Variants in COL25A1 observed in about 807,000 individuals in gnomAD.
COL25A1 encodes collagen type XXV alpha 1 chain, also known as collagen alpha-1(XXV) chain.
COL25A1 carries 103 observed loss-of-function variants against 128.4 expected under a neutral mutation model. The observed-to-expected ratio is 0.80, with a 90% CI of 0.68 to 0.94. COL25A1 has a LOEUF of 0.94. COL25A1 is among the 40% of genes least tolerant of loss of function. The pLI is 0.00. For missense variants in COL25A1, 745 were observed against 840.0 expected, an observed-to-expected ratio of 0.89 and a Z score of 1.40; for synonymous variants, 279 against 277.2, an observed-to-expected ratio of 1.01 and a Z score of -0.06.
At chr4:109,298,270 T>C (rs1261201532) in intron 3 of COL25A1, among the ~76,000 whole-genome samples, 1 of 152,186 alleles carries the variant, frequency 6.6e-6, no homozygotes, top group Non-Finnish European at 1.5e-5. Flanking sequence ...AAAATATATC[T>C]ATAAATTCTA....
chr4:108,920,984 A>C (rs962613824), intron 11 of COL25A1: 1 of 164,494 alleles, frequency 6.1e-6, no homozygotes, highest in Non-Finnish European at 1.3e-5. Context: ...GCAAATGGAC[A>C]CATTAGATGA....
At chr4:108,954,658 A>G (rs965748144) in intron 8 of COL25A1, among the ~76,000 whole-genome samples, 2 of 151,928 alleles carry the variant, frequency 1.3e-5, no homozygotes, top group African/African-American at 2.4e-5. Context: ...AATGTACTTA[A>G]TATTCCATTT....
At chr4:108,868,026 A>G (rs1738151925) in intron 20 of COL25A1, among the ~76,000 whole-genome samples, 1 of 152,150 alleles carries the variant, frequency 6.6e-6, no homozygotes, top group South Asian at 2.1e-4. Flanking sequence ...TTTTGGGATG[A>G]GGCACTTAGG....
intron 5 of COL25A1, among the ~76,000 whole-genome samples, chr4:109,025,885 T>G (rs570397278): frequency 6.6e-6 from 1 of 152,240 alleles, no homozygotes; most frequent in African/African-American, 2.4e-5. Context: ...TAACGTTTCC[T>G]TAGTCAAACA....
chr4:109,254,493 A>ATGTT lies in COL25A1; in HGVS notation c.367+46089_367+46090insAACA, dbSNP rs1560936843. ...TTTATATATATATATATATATATATATATATATATATATGTATGTGTGTAT... is the reference window on the plus strand; with the variant it reads ...TTTATATATATATATATATATATATATGTTTATATATATATATGTATGTGTGTAT... On this transcript the variant is annotated intron_variant, in intron 3 of 37. Coordinates refer to ENST00000399132, the MANE Select transcript of COL25A1 (RefSeq NM_198721.4). 2.6e-4 allele frequency among the ~76,000 whole-genome samples: 28 copies of ATGTT among 109,762 alleles called. 1 individual carries two copies. The highest frequency in any genetic ancestry group is 4.3e-4 in the Non-Finnish European group (26 of 60,158). The allele number at this position is 109,762 out of a possible 152,430, so 72.0% of individuals were successfully genotyped here.
chr4:108,984,155 TAC>T (rs945866874), intron 6 of COL25A1, among the ~76,000 whole-genome samples: 1 of 152,210 alleles, frequency 6.6e-6, no homozygotes, highest in Non-Finnish European at 1.5e-5. Flanking sequence ...AGTAGCTAGA[TAC>T]AGAGTGTTGA....
At position 108,860,823 on chromosome 4, in the gene COL25A1, T is replaced by A. The variant is rs532735211; in HGVS notation, c.1242+104A>T. On this transcript the variant is annotated intron_variant, in intron 23 of 37. Coordinates refer to ENST00000399132, the MANE Select transcript of COL25A1 (RefSeq NM_198721.4). The stretch of plus-strand genomic sequence containing the variant: ...CAGTAGTCTACCTCCAATACTATTA[T>A]TAAGTATTATTAATACAGATGTCAT... 748 of 934,874 alleles carry A rather than the reference T, an allele frequency of 8.0e-4. 2 individuals carry two copies. The highest frequency in any genetic ancestry group is 1.7e-3 in the Admixed American group (90 of 53,590). 57.9% of individuals were successfully genotyped at this position (934,874 alleles called of 1,614,324 possible).
intron 5 of COL25A1, among the ~76,000 whole-genome samples, chr4:109,040,954 A>G (rs1759825297): frequency 6.6e-6 from 1 of 152,136 alleles, no homozygotes; most frequent in Admixed American, 6.6e-5. Context: ...TTAAAATGTT[A>G]TCCTGTTTCC....
intron 3 of COL25A1, among the ~76,000 whole-genome samples, chr4:109,225,732 TTGTG>T (rs1560897251): frequency 6.6e-6 from 1 of 152,120 alleles, no homozygotes; most frequent in African/African-American, 2.4e-5. Context: ...AAAGAAACTG[TTGTG>T]TGTGTATGTG....
chr4:109,210,440 AAC>A (rs1006728966), intron 3 of COL25A1, among the ~76,000 whole-genome samples: 70 of 152,314 alleles, frequency 4.6e-4, no homozygotes, highest in African/African-American at 1.6e-3. Context: ...CACCTTACAA[AAC>A]ACTGCAGAAT....
At chr4:109,280,629 A>G (rs1020348402) in intron 3 of COL25A1, among the ~76,000 whole-genome samples, 8 of 152,012 alleles carry the variant, frequency 5.3e-5, no homozygotes, top group Admixed American at 4.6e-4. Context: ...ATATCTTTAG[A>G]TAATTCATGC....
chr4:109,300,682 A>C (rs981073599), intron 2 of COL25A1, 30 bp from the exon 3 acceptor site: 1 of 1,492,018 alleles, frequency 6.7e-7, no homozygotes, highest in African/African-American at 1.4e-5. Flanking sequence ...ATTAATAATC[A>C]TCAGTAGCAC....
intron 20 of COL25A1, among the ~76,000 whole-genome samples, chr4:108,864,158 A>T (rs181992269): frequency 1.3e-3 from 204 of 152,344 alleles, no homozygotes; most frequent in African/African-American, 4.5e-3. Flanking sequence ...TCCATTTTAC[A>T]GATAAGGAAA....
chr4:108,919,001 AT>A (rs1183204206), intron 12 of COL25A1, among the ~76,000 whole-genome samples: 1 of 152,234 alleles, frequency 6.6e-6, no homozygotes, highest in Non-Finnish European at 1.5e-5. Flanking sequence ...CAGTGATGTC[AT>A]TTCCCTCCAT....
intron 3 of COL25A1, among the ~76,000 whole-genome samples, chr4:109,254,213 T>C (rs975455068): frequency 6.6e-6 from 1 of 151,792 alleles, no homozygotes; most frequent in Admixed American, 6.6e-5. Flanking sequence ...TGTATTGTAT[T>C]TCTTAATCAC....
intron 20 of COL25A1, among the ~76,000 whole-genome samples, chr4:108,867,482 A>C (rs1738076988): frequency 6.6e-6 from 1 of 152,342 alleles, no homozygotes; most frequent in Admixed American, 6.5e-5. Context: ...TTTGTTAATA[A>C]GCCTGACAGC....
At chr4:109,095,680 C>T (rs1424079298) in intron 3 of COL25A1, among the ~76,000 whole-genome samples, 1 of 152,058 alleles carries the variant, frequency 6.6e-6, no homozygotes, top group Non-Finnish European at 1.5e-5. Flanking sequence ...GTCTGAAAAG[C>T]CTTTGAAGAA....
intron 3 of COL25A1, among the ~76,000 whole-genome samples, chr4:109,288,049 G>A (rs557346691): frequency 6.6e-6 from 1 of 152,244 alleles, no homozygotes; most frequent in East Asian, 1.9e-4. Flanking sequence ...GATATCTGAA[G>A]TCAAAGCCAG....
At chr4:108,932,550 T>A (rs1746878400) in intron 11 of COL25A1, among the ~76,000 whole-genome samples, 1 of 151,958 alleles carries the variant, frequency 6.6e-6, no homozygotes, top group South Asian at 2.1e-4. Context: ...CGTTATGGAG[T>A]TTATATATAT....
Sources: gnomAD v4.1 joint callset for allele counts (sites outside exome capture counted in the v4.1 genomes callset) on GRCh38, gnomAD v4.1.1 for gene constraint, MANE v1.5 for transcripts, NCBI Gene and HGNC (gene_info 2026-07-23, HGNC 2026-07-21) for gene names.